The following NSMAF variants were observed in gnomAD, a reference collection of about 807,000 sequenced individuals.
NSMAF encodes the protein protein FAN.
Under a neutral mutation model 134.9 loss-of-function variants are expected in NSMAF, and 90 were observed. That is an observed-to-expected ratio of 0.67 (90% confidence interval 0.56 to 0.79). The LOEUF (loss-of-function observed/expected upper bound fraction) is 0.79, where lower values mean the gene tolerates loss of function less well. Among genes scored for constraint, NSMAF ranks in the 30% least tolerant of loss-of-function variants. The probability of loss-of-function intolerance (pLI) is 0.00; values close to 1 mark genes in which losing one functional copy is unlikely to be tolerated. For missense variants in NSMAF, 1,010 were observed against 1,119.0 expected, an observed-to-expected ratio of 0.90 and a Z score of 1.39; for synonymous variants, 358 against 389.6, an observed-to-expected ratio of 0.92 and a Z score of 0.96.
intron 6 of NSMAF, among the ~76,000 whole-genome samples, chr8:58,626,256 C>T (rs10099231): frequency 0.05 from 7,348 of 148,430 alleles, 485 homozygotes; most frequent in East Asian, 0.23. Context: ...TTGCCTCGCC[C>T]GGCTAATTTT....
chr8:58,599,863 G>A lies in NSMAF; in HGVS notation c.1340C>T (p.Pro447Leu). The part of the protein sequence containing the change: ...DGATDFKELI[P>L]EFYGDDVSFL... ...GCTCACATCATCACCATAGAATTCT[G>A]GAATTAACTGAAAGTTTCGGGGAAA... Residue 447 changes from proline to leucine, a missense_variant, in exon 18 of 31, where the codon CCA (proline) becomes CTA (leucine). Physicochemically the swap from Pro to Leu is moderately conservative, Grantham distance 98. Transcript: ENST00000038176. The A allele has an allele frequency of 6.2e-7, 1 of 1,612,802 alleles. No individual in the cohort carries two copies. Among genetic ancestry groups the A allele is most frequent in the South Asian group, 1.1e-5 (1 of 90,636 alleles).
At chr8:58,642,820 T>G (rs574948191) in intron 2 of NSMAF, among the ~76,000 whole-genome samples, 164 bp downstream of exon 2, 1 of 152,332 alleles carries the variant, frequency 6.6e-6, no homozygotes, top group Admixed American at 6.5e-5. Context: ...CAAAAGACTC[T>G]CCTAGGTTAT....
Position 58,590,878 on chromosome 8 carries a change from A to C in NSMAF, c.2008T>G (p.Phe670Val). The C allele has an allele frequency of 6.4e-7, 1 of 1,561,076 alleles. No homozygotes were observed. The highest frequency in any genetic ancestry group is 1.1e-5 in the South Asian group (1 of 89,730). The change falls in exon 24 of 31, where the codon TTT (phenylalanine) becomes GTT (valine). Residue 670 changes from phenylalanine (F) to valine (V), a missense_variant. Physicochemically the swap from Phe to Val is conservative, Grantham distance 50 (BLOSUM62 -1). Coordinates refer to ENST00000038176, the MANE Select transcript of NSMAF (RefSeq NM_003580.4). ...ESKMLQRSIS[F>V]SNMALSSCLL... Reference sequence around the variant, plus strand: ...TAAAATGAACTCACCATATTTGAAAATGATATACTTCTTTGTAGCATTTTT... The same window carrying C: ...TAAAATGAACTCACCATATTTGAAACTGATATACTTCTTTGTAGCATTTTT...
In NSMAF at chr8:58,659,117, G is replaced by GCGGCGC. The variant is rs1184010869; in HGVS notation, c.59+450_59+455dup. The GCGGCGC allele has an allele frequency of 6.1e-5, 75 of 1,233,372 alleles. No individual in the cohort carries two copies. In the African/African-American group the frequency reaches 8.5e-4, roughly 14 times the overall value. 76.4% of individuals were successfully genotyped at this position (1,233,372 alleles called of 1,614,324 possible). ...TCGGTGCCGCCCGGCGACCAACTCT[G>GCGGCGC]CGGCGCCGGCGCCGAGTGCCTGGAC... On this transcript the variant is annotated intron_variant, in intron 1 of 30. Transcript: ENST00000038176.
chr8:58,607,633 C>G (rs982010250), intron 11 of NSMAF, 136 bp downstream of exon 11: 1 of 675,156 alleles, frequency 1.5e-6, no homozygotes. Flanking sequence ...GAAAGAACAG[C>G]AAAATCAGAG....
chr8:58,649,379 T>C (rs1807531031), intron 1 of NSMAF, among the ~76,000 whole-genome samples: 1 of 152,194 alleles, frequency 6.6e-6, no homozygotes, highest in Non-Finnish European at 1.5e-5. Context: ...AGGTGTAAGA[T>C]GAGACTTAGG....
At chr8:58,608,126 G>T (rs72647450) in intron 10 of NSMAF, among the ~76,000 whole-genome samples, 1 of 152,346 alleles carries the variant, frequency 6.6e-6, no homozygotes, top group Non-Finnish European at 1.5e-5. Context: ...TTGGGGTGGG[G>T]TGATATCTTT....
At chr8:58,591,139 C>A in intron 23 of NSMAF, 1 of 384,998 alleles carries the variant, frequency 2.6e-6, no homozygotes, top group Non-Finnish European at 4.4e-6. Context: ...AACCCCATGA[C>A]AAAAACATCA....
chr8:58,632,180 G>A (rs1464454313), intron 5 of NSMAF, among the ~76,000 whole-genome samples: 1 of 152,016 alleles, frequency 6.6e-6, no homozygotes, highest in Non-Finnish European at 1.5e-5. Flanking sequence ...ATATTCAAAA[G>A]CTTTGCTCTT....
intron 2 of NSMAF, among the ~76,000 whole-genome samples, chr8:58,636,063 A>G (rs975546799): frequency 6.6e-6 from 1 of 152,216 alleles, no homozygotes; most frequent in African/African-American, 2.4e-5. Flanking sequence ...ATTTTATACC[A>G]TTTCATATCA....
chr8:58,652,477 C>T (rs1807607817), intron 1 of NSMAF, among the ~76,000 whole-genome samples: 1 of 152,130 alleles, frequency 6.6e-6, no homozygotes, highest in Non-Finnish European at 1.5e-5. Context: ...ATCAAGCCAG[C>T]AAGGAGGTAA....
chr8:58,640,243 C>G (rs1807303477), intron 2 of NSMAF: 1 of 265,690 alleles, frequency 3.8e-6, no homozygotes, highest in Non-Finnish European at 7.8e-6. Context: ...ATGATAATTA[C>G]TTTGATTGTG....
At chr8:58,651,638 G>T (rs1452834886) in intron 1 of NSMAF, among the ~76,000 whole-genome samples, 4 of 152,208 alleles carry the variant, frequency 2.6e-5, no homozygotes, top group Non-Finnish European at 4.4e-5. Flanking sequence ...TCATACTGCA[G>T]GGCAGGAGGC....
At chr8:58,612,894 A>G (rs180833557) in intron 9 of NSMAF, among the ~76,000 whole-genome samples, 201 of 152,272 alleles carry the variant, frequency 1.3e-3, no homozygotes, top group African/African-American at 4.4e-3. Flanking sequence ...AATTCAAATC[A>G]TGGGGCTCTT....
chr8:58,659,812 G>A lies in NSMAF; in HGVS notation c.-181C>T. On this transcript the variant is annotated 5_prime_UTR_variant, in exon 1 of 31. Coordinates refer to ENST00000038176, the MANE Select transcript of NSMAF (RefSeq NM_003580.4). Reference sequence around the variant, plus strand: ...GAGCCCGACGCGGCGTCCCGGCCGCGCTCACCGCAGCATCCTCGCGTGGGG... The same window carrying A: ...GAGCCCGACGCGGCGTCCCGGCCGCACTCACCGCAGCATCCTCGCGTGGGG... 1 of 311,190 alleles carries A rather than the reference G, an allele frequency of 3.2e-6. No individual in the cohort carries two copies. Among genetic ancestry groups the A allele is most frequent in the Non-Finnish European group, 5.7e-6 (1 of 175,896 alleles). The allele number at this position is 311,190 out of a possible 1,614,324, so 19.3% of individuals were successfully genotyped here.
intron 21 of NSMAF, among the ~76,000 whole-genome samples, chr8:58,597,018 G>C (rs982320345): frequency 6.6e-6 from 1 of 151,986 alleles, no homozygotes; most frequent in African/African-American, 2.4e-5. Flanking sequence ...CAGCAGGGCT[G>C]ACAGTGACTG....
Position 58,629,288 on chromosome 8 carries a change from A to AT in NSMAF, c.384+2207dup, listed in dbSNP as rs887143753. 9.9e-5 allele frequency among the ~76,000 whole-genome samples: 15 copies of AT among 151,778 alleles called. 1 individual carries two copies. The highest frequency in any genetic ancestry group is 3.6e-4 in the African/African-American group (15 of 41,318). On this transcript the variant is annotated intron_variant, in intron 6 of 30. Coordinates refer to ENST00000038176, the MANE Select transcript of NSMAF (RefSeq NM_003580.4). ...AAAAGACCTGTGTTCCAGTTTGCTGATTTTTTCTTCTGATTTATAGTCTGT... is the reference window on the plus strand; with the variant it reads ...AAAAGACCTGTGTTCCAGTTTGCTGATTTTTTTCTTCTGATTTATAGTCTGT...
chr8:58,596,772 A>G (rs915592374), intron 21 of NSMAF, among the ~76,000 whole-genome samples: 1 of 152,068 alleles, frequency 6.6e-6, no homozygotes, highest in African/African-American at 2.4e-5. Flanking sequence ...TACTAAAAAT[A>G]CAAAAATTAG....
chr8:58,623,217 T>C lies in NSMAF; in HGVS notation c.557+3A>G, dbSNP rs1563536084. 1 of 1,599,558 alleles carries C rather than the reference T, an allele frequency of 6.3e-7. No homozygotes were observed. Among genetic ancestry groups the C allele is most frequent in the South Asian group, 1.1e-5 (1 of 90,620 alleles). Reference sequence around the variant, plus strand: ...TAATTAGGAAAGATCATTAGAAACTTACCTGTTTTTGTCAAATGATGTTCT... The same window carrying C: ...TAATTAGGAAAGATCATTAGAAACTCACCTGTTTTTGTCAAATGATGTTCT... On this transcript the variant is annotated splice_donor_region_variant and intron_variant, in intron 9 of 30. Transcript: ENST00000038176.
Sources: allele counts gnomAD v4.1 joint callset (sites outside exome capture counted in the v4.1 genomes callset), GRCh38; gene constraint gnomAD v4.1.1; transcripts MANE v1.5; gene names NCBI Gene and HGNC (gene_info 2026-07-23, HGNC 2026-07-21).